XCR1: variants seen among roughly 807,000 people sequenced by gnomAD.
The protein encoded by XCR1 is X-C motif chemokine receptor 1.
For synonymous variants in XCR1, 187 were observed against 188.5 expected, an observed-to-expected ratio of 0.99 and a Z score of 0.06; for missense variants, 356 against 424.2, an observed-to-expected ratio of 0.84 and a Z score of 1.41.
At chr3:46,069,698 C>T (rs1559494108) in intron 3 of XCR1, among the ~76,000 whole-genome samples, 1 of 152,130 alleles carries the variant, frequency 6.6e-6, no homozygotes, top group Non-Finnish European at 1.5e-5. Context: ...AATAACCTCT[C>T]TTGGTAAGTC....
intron 3 of XCR1, among the ~76,000 whole-genome samples, chr3:46,069,487 A>C (rs1177216153): frequency 6.6e-6 from 1 of 152,196 alleles, no homozygotes; most frequent in Non-Finnish European, 1.5e-5. Flanking sequence ...GGGGTTAGAC[A>C]TGGTAACCTC....
intron 1 of XCR1, among the ~76,000 whole-genome samples, chr3:46,079,910 T>C (rs1268241988): frequency 6.6e-6 from 1 of 152,076 alleles, no homozygotes; most frequent in African/African-American, 2.4e-5. Context: ...CTCAGAGGAT[T>C]TGGAAAAACA....
At chr3:46,026,078 T>G (rs1708281778) in intron 1 of XCR1, among the ~76,000 whole-genome samples, 1 of 152,250 alleles carries the variant, frequency 6.6e-6, no homozygotes, top group Non-Finnish European at 1.5e-5. Flanking sequence ...CTATATGATC[T>G]TTTCTGATAA....
At chr3:46,037,909 G>C (rs571727638) in intron 5 of XCR1, among the ~76,000 whole-genome samples, 1 of 152,022 alleles carries the variant, frequency 6.6e-6, no homozygotes, top group Non-Finnish European at 1.5e-5. Context: ...GTACTTGTAC[G>C]GGTCATGTAC....
Position 46,018,798 on chromosome 3 carries a change from G to A in XCR1, c.*2148C>T, listed in dbSNP as rs1432876030. The A allele has an allele frequency of 4.6e-5, 7 of 152,212 alleles. No homozygotes were observed. Among genetic ancestry groups the A allele is most frequent in the Non-Finnish European group, 1.5e-5 (1 of 68,038 alleles). The allele number at this position is 152,212 out of a possible 1,614,324, so 9.4% of individuals were successfully genotyped here. ...CTAGGTTGGCCAGAGGGCTACATTG[G>A]TATCTACTTTATTCAATAACAAGAT... On this transcript the variant is annotated 3_prime_UTR_variant, in exon 2 of 2. Transcript: ENST00000309285.
chr3:46,029,544 T>C (rs534344810), upstream of XCR1, among the ~76,000 whole-genome samples: 3 of 152,292 alleles, frequency 2.0e-5, no homozygotes, highest in African/African-American at 7.2e-5. Flanking sequence ...ATATTCTTCT[T>C]AACAAATGGT....
chr3:46,052,888 T>C (rs56759414), intron 5 of XCR1, among the ~76,000 whole-genome samples: 1,741 of 152,334 alleles, frequency 0.011, 41 homozygotes, highest in African/African-American at 0.039. Flanking sequence ...AAAAGGATTA[T>C]ACTGGGACTC....
chr3:46,035,344 A>G (rs1697406085), intron 5 of XCR1, among the ~76,000 whole-genome samples: 1 of 152,200 alleles, frequency 6.6e-6, no homozygotes, highest in South Asian at 2.1e-4. Flanking sequence ...ATTTGAGACT[A>G]AGCTCCTATC....
chr3:46,043,038 A>G (rs1697563334), intron 5 of XCR1, among the ~76,000 whole-genome samples: 1 of 152,182 alleles, frequency 6.6e-6, no homozygotes, highest in South Asian at 2.1e-4. Context: ...CAATAATGTA[A>G]TGCATCACTT....
chr3:46,033,925 TGTAAATG>T (rs1217232109), intron 5 of XCR1, among the ~76,000 whole-genome samples: 1 of 152,172 alleles, frequency 6.6e-6, no homozygotes, highest in Non-Finnish European at 1.5e-5. Context: ...TTGGTGCTAA[TGTAAATG>T]GTCTTGTTTT....
At chr3:46,046,357 C>A (rs1004347270) in intron 5 of XCR1, among the ~76,000 whole-genome samples, 1 of 152,126 alleles carries the variant, frequency 6.6e-6, no homozygotes, top group Non-Finnish European at 1.5e-5. Context: ...GTCGGCTGCT[C>A]GGTCCAGAGT....
intron 5 of XCR1, among the ~76,000 whole-genome samples, chr3:46,050,181 G>C (rs1382089180): frequency 1.3e-5 from 2 of 152,178 alleles, no homozygotes; most frequent in African/African-American, 4.8e-5. Context: ...GCATGTCTCT[G>C]CTGTGACATT....
At chr3:46,069,689 A>G (rs1391984181) in intron 3 of XCR1, among the ~76,000 whole-genome samples, 1 of 152,186 alleles carries the variant, frequency 6.6e-6, no homozygotes, top group East Asian at 1.9e-4. Flanking sequence ...TATTAAGAAA[A>G]TAACCTCTCT....
intron 1 of XCR1, among the ~76,000 whole-genome samples, chr3:46,083,056 C>T (rs752714665): frequency 6.6e-6 from 1 of 152,214 alleles, no homozygotes; most frequent in Non-Finnish European, 1.5e-5. Context: ...CTCATCCTAA[C>T]CTGTTTGTCC....
chr3:46,047,572 T>C (rs917520082), intron 5 of XCR1, among the ~76,000 whole-genome samples: 1 of 152,230 alleles, frequency 6.6e-6, no homozygotes, highest in Non-Finnish European at 1.5e-5. Flanking sequence ...TTACTATTGC[T>C]ATTATTGGAT....
rs1387523446 is a variant in XCR1, at chr3:46,019,782, G to A, written c.*1164C>T. ...TTGTAAGTAATGAGGAGCCACTAAG[G>A]GTTTTGAAGCACCTGGTGTAAGGGC... On this transcript the variant is annotated 3_prime_UTR_variant, in exon 2 of 2. Coordinates refer to ENST00000309285, the MANE Select transcript of XCR1 (RefSeq NM_001024644.2). 1 of 152,234 alleles carries A rather than the reference G, an allele frequency of 6.6e-6. No individual in the cohort carries two copies. The highest frequency in any genetic ancestry group is 2.4e-5 in the African/African-American group (1 of 41,448). The allele number at this position is 152,234 out of a possible 1,614,324, so 9.4% of individuals were successfully genotyped here. A position where few individuals can be genotyped will look rare whatever the true frequency, so the allele number is the denominator to read the frequency against.
chr3:46,048,271 T>A (rs1423535227), intron 5 of XCR1, among the ~76,000 whole-genome samples: 1 of 152,180 alleles, frequency 6.6e-6, no homozygotes, highest in Non-Finnish European at 1.5e-5. Flanking sequence ...GTCGTACTGC[T>A]GGGGGATTGG....
chr3:46,080,745 G>A (rs775381959), intron 1 of XCR1, among the ~76,000 whole-genome samples: 59 of 152,038 alleles, frequency 3.9e-4, no homozygotes, highest in Non-Finnish European at 3.7e-4. Flanking sequence ...TTTCCCTTAG[G>A]GCTTCAATTA....
At chr3:46,070,719 T>C (rs925604011) in intron 3 of XCR1, among the ~76,000 whole-genome samples, 4 of 152,122 alleles carry the variant, frequency 2.6e-5, no homozygotes, top group Non-Finnish European at 5.9e-5. Context: ...TTTTAATCCA[T>C]TATGTCAGTC....
Sources: gnomAD v4.1 joint callset for allele counts (sites outside exome capture counted in the v4.1 genomes callset) on GRCh38, gnomAD v4.1.1 for gene constraint, MANE v1.5 for transcripts, NCBI Gene and HGNC (gene_info 2026-07-23, HGNC 2026-07-21) for gene names.